APBB2: variants seen among roughly 807,000 people sequenced by gnomAD.
The protein encoded by APBB2 is Fe65-like 1.
A neutral mutation model predicts 82.5 loss-of-function variants in APBB2; 38 were observed. That is an observed-to-expected ratio of 0.46 (90% CI 0.36 to 0.60). APBB2 has a LOEUF of 0.60. APBB2 is among the 20% of genes least tolerant of loss of function. APBB2 has a pLI of 0.00. For missense variants in APBB2, 772 were observed against 972.3 expected, an observed-to-expected ratio of 0.79 and a Z score of 2.74; for synonymous variants, 341 against 368.2, an observed-to-expected ratio of 0.93 and a Z score of 0.85.
chr4:40,874,686 T>C (rs1161421615), intron 12 of APBB2, among the ~76,000 whole-genome samples: 5 of 152,230 alleles, frequency 3.3e-5, no homozygotes, highest in Non-Finnish European at 1.5e-5. Flanking sequence ...TAATATGTCT[T>C]CTGCTCATCT....
intron 1 of APBB2, among the ~76,000 whole-genome samples, chr4:41,211,974 T>C (rs1320743771): frequency 1.3e-5 from 2 of 152,206 alleles, no homozygotes; most frequent in Non-Finnish European, 2.9e-5. Flanking sequence ...GCCCAGTATC[T>C]ATTAGCTATT....
intron 4 of APBB2, among the ~76,000 whole-genome samples, chr4:41,052,662 G>A (rs996259219): frequency 1.3e-5 from 2 of 152,006 alleles, no homozygotes; most frequent in African/African-American, 2.4e-5. Flanking sequence ...CCTTCCTCTC[G>A]GTAAAATGAG....
chr4:40,946,340 T>C (rs555629875), intron 6 of APBB2, among the ~76,000 whole-genome samples: 57 of 149,412 alleles, frequency 3.8e-4, no homozygotes, highest in African/African-American at 1.2e-3. Flanking sequence ...GATGTAAACA[T>C]GTGAAGCAGA....
intron 4 of APBB2, among the ~76,000 whole-genome samples, chr4:41,056,168 T>G (rs10805159): frequency 0.98 from 148,580 of 152,170 alleles, 72,631 homozygotes; most frequent in East Asian, 1. Flanking sequence ...CAACAAGAGC[T>G]AAACTCCATC....
At chr4:41,069,036 T>C (rs2153898172) in intron 3 of APBB2, among the ~76,000 whole-genome samples, 2 of 152,202 alleles carry the variant, frequency 1.3e-5, no homozygotes, top group Middle Eastern at 6.8e-3. Flanking sequence ...CCTTGTGATC[T>C]GCCCGCCTCG....
intron 10 of APBB2, among the ~76,000 whole-genome samples, chr4:40,895,351 C>A (rs1377902897): frequency 1.3e-5 from 2 of 152,258 alleles, no homozygotes; most frequent in Non-Finnish European, 2.9e-5. Flanking sequence ...GTCCCCGTGA[C>A]AATCACAGAA....
chr4:40,928,175 C>T (rs561413944), intron 10 of APBB2, among the ~76,000 whole-genome samples: 321 of 152,208 alleles, frequency 2.1e-3, no homozygotes, highest in African/African-American at 7.4e-3. Context: ...AAAACATTTT[C>T]CATGGAAAAG....
chr4:40,893,837 G>A (rs751162709), intron 10 of APBB2, among the ~76,000 whole-genome samples: 9 of 152,022 alleles, frequency 5.9e-5, no homozygotes, highest in Non-Finnish European at 1.0e-4. Flanking sequence ...AGCCAGGCAC[G>A]GTGGTGGGTG....
chr4:40,984,354 C>T (rs2154406268), intron 6 of APBB2, among the ~76,000 whole-genome samples: 1 of 151,418 alleles, frequency 6.6e-6, no homozygotes, highest in East Asian at 2.0e-4. Context: ...CTTCCTTCTA[C>T]CTTTCAGGGA....
chr4:40,861,527 T>C (rs1762764043), intron 12 of APBB2, among the ~76,000 whole-genome samples: 1 of 152,120 alleles, frequency 6.6e-6, no homozygotes, highest in Non-Finnish European at 1.5e-5. Flanking sequence ...ATGCTATCTC[T>C]AAAATAAATG....
At chr4:40,816,912 A>G (rs1745908263) in intron 17 of APBB2, among the ~76,000 whole-genome samples, 1 of 152,226 alleles carries the variant, frequency 6.6e-6, no homozygotes, top group South Asian at 2.1e-4. Flanking sequence ...TTCAAGATAC[A>G]TGGTACATAC....
chr4:41,207,198 C>CAA (rs368548129), intron 1 of APBB2, among the ~76,000 whole-genome samples: 17 of 67,328 alleles, frequency 2.5e-4, no homozygotes, highest in South Asian at 7.7e-4. Flanking sequence ...GACTCCGTCT[C>CAA]AAAAAAAAAA....
intron 10 of APBB2, among the ~76,000 whole-genome samples, chr4:40,921,970 G>T (rs951631299): frequency 6.6e-6 from 1 of 152,172 alleles, no homozygotes; most frequent in Non-Finnish European, 1.5e-5. Flanking sequence ...ATCATGGATC[G>T]AAAGGGACAC....
intron 1 of APBB2, among the ~76,000 whole-genome samples, chr4:41,205,247 A>G (rs1009801582): frequency 2.0e-5 from 3 of 152,138 alleles, no homozygotes; most frequent in Admixed American, 2.0e-4. Context: ...TAGGCACCCA[A>G]CTTGGGAGTG....
intron 4 of APBB2, among the ~76,000 whole-genome samples, chr4:41,046,688 T>C (rs951989035): frequency 1.3e-5 from 2 of 152,286 alleles, no homozygotes; most frequent in South Asian, 4.1e-4. Context: ...GAAGAATGCA[T>C]GATTTTTTTT....
chr4:40,942,103 A>C (rs1161591659), intron 7 of APBB2, among the ~76,000 whole-genome samples: 1 of 152,166 alleles, frequency 6.6e-6, no homozygotes, highest in Non-Finnish European at 1.5e-5. Flanking sequence ...CTATCTGCTC[A>C]ACTCTTTGCC....
At chr4:41,125,872 G>T (rs1010799374) in intron 2 of APBB2, among the ~76,000 whole-genome samples, 1 of 152,108 alleles carries the variant, frequency 6.6e-6, no homozygotes, top group African/African-American at 2.4e-5. Context: ...CATGCACATG[G>T]TCCAATTCAC....
At chr4:41,182,969 C>T (rs1771843956) in intron 1 of APBB2, among the ~76,000 whole-genome samples, 1 of 152,190 alleles carries the variant, frequency 6.6e-6, no homozygotes. Flanking sequence ...GTCTAAGAAG[C>T]ATCAGAAACC....
intron 12 of APBB2, among the ~76,000 whole-genome samples, chr4:40,860,661 G>A (rs931426016): frequency 6.6e-6 from 1 of 152,114 alleles, no homozygotes; most frequent in Non-Finnish European, 1.5e-5. Flanking sequence ...CCTGAGGGTG[G>A]TCTCATTGAC....
Sources: gnomAD v4.1 joint callset for allele counts (sites outside exome capture counted in the v4.1 genomes callset) on GRCh38, gnomAD v4.1.1 for gene constraint, MANE v1.5 for transcripts, NCBI Gene and HGNC (gene_info 2026-07-23, HGNC 2026-07-21) for gene names.